ADCY10: variants seen among roughly 807,000 people sequenced by gnomAD.
ADCY10 encodes the protein adenylate cyclase 10.
ADCY10 carries 156 observed loss-of-function variants against 183.3 expected under a neutral mutation model. The observed-to-expected ratio is 0.85, with a 90% CI of 0.75 to 0.97. The LOEUF (loss-of-function observed/expected upper bound fraction) is 0.97. Ranked by LOEUF, ADCY10 falls within the 50% of genes least tolerant of loss-of-function variation. The pLI, the probability that ADCY10 is intolerant of heterozygous loss-of-function variation, is 0.00. For missense variants in ADCY10, 1,745 were observed against 1,934.3 expected (o/e 0.90, Z 1.84); for synonymous variants, 645 against 670.0 (o/e 0.96, Z 0.58).
chr1:167,874,572 C>CATAATCG (rs1667322928), intron 13 of ADCY10, among the ~76,000 whole-genome samples: 2 of 152,266 alleles, frequency 1.3e-5, no homozygotes, highest in East Asian at 3.9e-4. Flanking sequence ...AACTATTTGG[C>CATAATCG]ACCCTTTGTC....
chr1:167,876,015 G>A (rs1457842237), intron 12 of ADCY10, among the ~76,000 whole-genome samples: 2 of 152,148 alleles, frequency 1.3e-5, no homozygotes, highest in Non-Finnish European at 2.9e-5. Flanking sequence ...CCAGCATTTT[G>A]GGAGGCCGAG....
At chr1:167,888,881 AAAAAAAAAAG>A (rs1180324233) in intron 8 of ADCY10, among the ~76,000 whole-genome samples, 3 of 151,168 alleles carry the variant, frequency 2.0e-5, no homozygotes, top group East Asian at 1.9e-4. Context: ...GTCTCAAAAA[AAAAAAAAAAG>A]AAAAAGAAAG....
intron 31 of ADCY10, among the ~76,000 whole-genome samples, chr1:167,812,383 A>G (rs372301623): frequency 6.6e-6 from 1 of 152,220 alleles, no homozygotes; most frequent in South Asian, 2.1e-4. Flanking sequence ...GGAAAATTAG[A>G]AAGTGACTGT....
At position 167,904,767 on chromosome 1, in the gene ADCY10, C is replaced by T. The variant is rs1437191634; in HGVS notation, c.148+226G>A. On this transcript the variant is annotated intron_variant, in intron 2 of 32. Transcript: ENST00000367851. ...ACTGGAGCAAAGAATGGGACTTGAG[C>T]ATGTTAAAGATATGCCTATGACTGG... 5 of 628,360 alleles carry T rather than the reference C, an allele frequency of 8.0e-6. No individual in the cohort carries two copies. The East Asian group carries it at 1.4e-4, about 17-fold the overall frequency. 38.9% of individuals were successfully genotyped at this position (628,360 alleles called of 1,614,324 possible). A position where few individuals can be genotyped will look rare whatever the true frequency, so the allele number is the denominator to read the frequency against.
chr1:167,845,843 T>C lies in ADCY10; in HGVS notation c.2727A>G (p.Glu909=), dbSNP rs1311401735. ...LKPSEGMDHG[E]EEQLRELENE... The stretch of plus-strand genomic sequence containing the variant: ...TCTCCAGTTCACGAAGCTGTTCCTC[T>C]TCACCGTGATCTGGAGAGAGCAAAA... Residue 909 remains glutamate, a synonymous_variant, in exon 21 of 33, where the codon GAA becomes GAG. Coordinates refer to ENST00000367851, the MANE Select transcript of ADCY10 (RefSeq NM_018417.6). 6.2e-7 allele frequency: 1 copy of C among 1,614,128 alleles called. No homozygotes were observed. Among genetic ancestry groups the C allele is most frequent in the Admixed American group, 1.7e-5 (1 of 60,024 alleles).
intron 9 of ADCY10, among the ~76,000 whole-genome samples, chr1:167,882,369 C>T (rs1667921870): frequency 6.6e-6 from 1 of 151,312 alleles, no homozygotes; most frequent in South Asian, 2.1e-4. Context: ...CCTGTAATCC[C>T]AGCTACTCAG....
intron 18 of ADCY10, among the ~76,000 whole-genome samples, chr1:167,852,416 C>T (rs893195380): frequency 9.9e-5 from 15 of 152,004 alleles, no homozygotes; most frequent in Admixed American, 9.8e-4. Context: ...TGCACCCCAG[C>T]CTGGGCGACA....
At chr1:167,869,204 T>A (rs142444121) in intron 14 of ADCY10, among the ~76,000 whole-genome samples, 1 of 152,204 alleles carries the variant, frequency 6.6e-6, no homozygotes, top group Non-Finnish European at 1.5e-5. Context: ...AACTCTTATA[T>A]AGGAGTTATA....
At chr1:167,876,416 T>A (rs1553274476) in intron 12 of ADCY10, among the ~76,000 whole-genome samples, 1 of 152,176 alleles carries the variant, frequency 6.6e-6, no homozygotes, top group Non-Finnish European at 1.5e-5. Flanking sequence ...GCTCACTCCA[T>A]AACACTATCT....
chr1:167,860,045 G>A, intron 15 of ADCY10, 152 bp from the exon 16 acceptor site: 1 of 673,922 alleles, frequency 1.5e-6, no homozygotes, highest in East Asian at 2.7e-5. Context: ...CCAGGGACTA[G>A]TTTTGTGGAA....
chr1:167,880,545 G>T lies in ADCY10; in HGVS notation c.1085C>A (p.Ala362Asp). Residue 362 changes from alanine (A) to aspartate (D), a missense_variant, in exon 10 of 33, where the codon GCT becomes GAT. Coordinates refer to ENST00000367851, the MANE Select transcript of ADCY10 (RefSeq NM_018417.6). The part of the protein sequence containing the change: ...GEKVPDELTH[A>D]LECAMDIFDF... ...AAATATATCCATAGCACATTCCAGA[G>T]CATGAGTGAGCTCGTCAGGTACCTT... 1.2e-6 allele frequency: 2 copies of T among 1,614,158 alleles called. No homozygotes were observed. The highest frequency in any genetic ancestry group is 1.7e-6 in the Non-Finnish European group (2 of 1,180,020).
chr1:167,870,186 G>T, intron 14 of ADCY10, 71 bp downstream of exon 14: 1 of 1,552,022 alleles, frequency 6.4e-7, no homozygotes. Flanking sequence ...CAAGTTATAG[G>T]AAGGAGAGGA....
chr1:167,854,597 T>C lies in ADCY10; in HGVS notation c.2172-108A>G, dbSNP rs1665751777. The stretch of plus-strand genomic sequence containing the variant: ...GAAAATAATTTCTTGTCATTCTTCA[T>C]TTGTTTCTGTTTGTTTTCAGTTTTG... On this transcript the variant is annotated intron_variant, in intron 17 of 32. Coordinates refer to ENST00000367851, the MANE Select transcript of ADCY10 (RefSeq NM_018417.6). The C allele has an allele frequency of 2.9e-6, 4 of 1,366,454 alleles. No individual in the cohort carries two copies. The East Asian group carries it at 9.4e-5, about 32-fold the overall frequency. 84.6% of individuals were successfully genotyped at this position (1,366,454 alleles called of 1,614,324 possible). A position where few individuals can be genotyped will look rare whatever the true frequency, so the allele number is the denominator to read the frequency against.
At chr1:167,907,064 A>T (rs1264279817) in intron 1 of ADCY10, among the ~76,000 whole-genome samples, 1 of 152,256 alleles carries the variant, frequency 6.6e-6, no homozygotes, top group Non-Finnish European at 1.5e-5. Flanking sequence ...GTAGTGCTAA[A>T]GCACACAGTC....
At chr1:167,899,391 G>T in intron 6 of ADCY10, 32 bp downstream of exon 6, 2 of 1,609,862 alleles carry the variant, frequency 1.2e-6, no homozygotes, top group South Asian at 2.2e-5. Context: ...CAGGCTGGCA[G>T]AACTTTCTGT....
Position 167,834,085 on chromosome 1 carries a change from C to A in ADCY10, c.3310-8G>T. On this transcript the variant is annotated splice_polypyrimidine_tract_variant and splice_region_variant and intron_variant, in intron 23 of 32. Coordinates refer to ENST00000367851, the MANE Select transcript of ADCY10 (RefSeq NM_018417.6). Reference sequence around the variant, plus strand: ...ATTCAAATACATGTATGCCTGTAACCAGCCCAAGGAGTAGAAAAGTGTTGA... The same window carrying A: ...ATTCAAATACATGTATGCCTGTAACAAGCCCAAGGAGTAGAAAAGTGTTGA... The A allele has an allele frequency of 6.2e-7, 1 of 1,602,922 alleles. No individual in the cohort carries two copies. Among genetic ancestry groups the A allele is most frequent in the Non-Finnish European group, 8.5e-7 (1 of 1,169,992 alleles).
Position 167,837,336 on chromosome 1 carries a change from G to GACCCATACAACTC in ADCY10, c.3008-19_3008-18insGAGTTGTATGGGT. 6.3e-7 allele frequency: 1 copy of GACCCATACAACTC among 1,595,044 alleles called. No individual in the cohort carries two copies. Among genetic ancestry groups the GACCCATACAACTC allele is most frequent in the Non-Finnish European group, 8.6e-7 (1 of 1,162,676 alleles). Reference sequence around the variant, plus strand: ...TTCTTCAGCTAGAAAATAAACAAATGAGTTGTATGGGTCATTGAAATGTTC... The same window carrying GACCCATACAACTC: ...TTCTTCAGCTAGAAAATAAACAAATGACCCATACAACTCAGTTGTATGGGTCATTGAAATGTTC... On this transcript the variant is annotated intron_variant, in intron 21 of 32. Coordinates refer to ENST00000367851, the MANE Select transcript of ADCY10 (RefSeq NM_018417.6).
rs375611444 is a variant in ADCY10 at position 167,907,581 on chromosome 1, T to C, written c.-58-2383A>G. ...TTACATGACCATGCCTAGTTTCAAG[T>C]AGACAGGGAAGTGCACTCCTACCAT... On this transcript the variant is annotated intron_variant, in intron 1 of 32. Coordinates refer to ENST00000367851, the MANE Select transcript of ADCY10 (RefSeq NM_018417.6). 7.8e-4 allele frequency among the ~76,000 whole-genome samples: 119 copies of C among 152,234 alleles called. 1 individual carries two copies. The South Asian group carries it at 0.023, about 29-fold the overall frequency.
chr1:167,848,751 A>G (rs1255867229), intron 18 of ADCY10, among the ~76,000 whole-genome samples: 1 of 151,864 alleles, frequency 6.6e-6, no homozygotes, highest in Non-Finnish European at 1.5e-5. Flanking sequence ...CCCAGGTTCA[A>G]GCGATTCCTG....
Sources: allele counts gnomAD v4.1 joint callset (sites outside exome capture counted in the v4.1 genomes callset), GRCh38; gene constraint gnomAD v4.1.1; transcripts MANE v1.5; gene names NCBI Gene and HGNC (gene_info 2026-07-23, HGNC 2026-07-21).